Variants in ANKRD30B observed in about 807,000 individuals in gnomAD.
The protein encoded by ANKRD30B is ankyrin repeat domain 30B.
A neutral mutation model predicts 202.2 loss-of-function variants in ANKRD30B; 144 were observed. The ratio of observed to expected loss-of-function variants is 0.71; its 90% CI spans 0.62 to 0.82. The LOEUF is 0.82. ANKRD30B is among the 40% of genes least tolerant of loss of function. The pLI is 0.00. For missense variants in ANKRD30B, 1,487 were observed against 1,669.1 expected (o/e 0.89, Z 1.90); for synonymous variants, 508 against 561.3 (o/e 0.91, Z 1.34).
chr18:14,851,965 A>G lies in ANKRD30B; in HGVS notation c.4021A>G (p.Thr1341Ala). The G allele has an allele frequency of 3.7e-6, 6 of 1,600,306 alleles. No homozygotes were observed. Among genetic ancestry groups the G allele is most frequent in the African/African-American group, 1.3e-5 (1 of 74,406 alleles). ...QGIMNVDVSN[T>A]IYNNEVLHQP... ...AATAATGAATGTTGATGTGAGTAAT[A>G]CAATATATAACAATGAGGTGCTCCA... The change falls in exon 42 of 44, where the codon ACA (threonine) becomes GCA (alanine). Residue 1341 changes from threonine to alanine, a missense_variant. Around this residue, in one of 6 missense-constraint regions of ANKRD30B, gnomAD observed 182 missense variants for 216.0 expected, o/e 0.84. Coordinates refer to ENST00000690538, the MANE Select transcript of ANKRD30B (RefSeq NM_001367607.2).
chr18:14,917,883 T>C, the ANKRD30B span, among the ~76,000 whole-genome samples: 2 of 152,220 alleles, frequency 1.3e-5, no homozygotes, highest in African/African-American at 4.8e-5. Context: ...CATGATCACC[T>C]TCTTCTCCCC....
Position 14,797,690 on chromosome 18 carries a change from G to C in ANKRD30B, c.1956+1G>C. On this transcript the variant is annotated splice_donor_variant, in intron 19 of 43. Coordinates refer to ENST00000690538, the MANE Select transcript of ANKRD30B (RefSeq NM_001367607.2). LOFTEE classifies it high-confidence loss of function. ...TCCTGATAAAGATGGTCTTCTGAAG[G>C]TAATAGCTTTTATGTCTCTATCTTG... The C allele has an allele frequency of 7.5e-6, 12 of 1,609,136 alleles. No homozygotes were observed. Among genetic ancestry groups the C allele is most frequent in the Non-Finnish European group, 9.4e-6 (11 of 1,175,822 alleles).
chr18:14,819,630 C>T (rs1444559217), intron 30 of ANKRD30B, among the ~76,000 whole-genome samples: 3 of 151,990 alleles, frequency 2.0e-5, no homozygotes, highest in Admixed American at 1.3e-4. Flanking sequence ...ATCCTTTCCC[C>T]ATTGCTTGTT....
intron 11 of ANKRD30B, among the ~76,000 whole-genome samples, chr18:14,780,507 C>T (rs1358515064): frequency 1.3e-5 from 2 of 151,826 alleles, no homozygotes; most frequent in Non-Finnish European, 2.9e-5. Flanking sequence ...TGGTGAAATT[C>T]TACTAATTTG....
the ANKRD30B span, among the ~76,000 whole-genome samples, chr18:14,860,446 C>T: frequency 7.7e-6 from 1 of 130,460 alleles, no homozygotes; most frequent in East Asian, 2.2e-4. Flanking sequence ...AGGCACTCCT[C>T]ACCTCCCAGA....
chr18:14,873,370 A>G, the ANKRD30B span, among the ~76,000 whole-genome samples: 1 of 151,972 alleles, frequency 6.6e-6, no homozygotes, highest in Non-Finnish European at 1.5e-5. Flanking sequence ...CTAAAAATAC[A>G]AAAAATTAGC....
the ANKRD30B span, among the ~76,000 whole-genome samples, chr18:14,910,532 G>T: frequency 6.6e-6 from 1 of 150,850 alleles, no homozygotes; most frequent in Non-Finnish European, 1.5e-5. Flanking sequence ...CTCCATTGAT[G>T]GACATGTAGG....
the ANKRD30B span, among the ~76,000 whole-genome samples, chr18:14,882,620 C>T: frequency 6.6e-6 from 1 of 151,958 alleles, no homozygotes; most frequent in Non-Finnish European, 1.5e-5. Context: ...CTGTTAAGTC[C>T]ATTTGTTCCA....
chr18:14,806,890 C>T (rs541968923), intron 24 of ANKRD30B, among the ~76,000 whole-genome samples: 24 of 150,828 alleles, frequency 1.6e-4, no homozygotes, highest in South Asian at 4.2e-4. Context: ...TTCCTATATA[C>T]GAATTTCTGA....
downstream of ANKRD30B, among the ~76,000 whole-genome samples, chr18:14,856,401 G>A (rs535481488): frequency 1.1e-3 from 157 of 142,836 alleles, no homozygotes; most frequent in African/African-American, 3.2e-3. Context: ...GGGCAGAGGC[G>A]CTCTTCACTT....
the ANKRD30B span, among the ~76,000 whole-genome samples, chr18:14,921,671 T>C: frequency 4.6e-5 from 7 of 152,064 alleles, no homozygotes; most frequent in East Asian, 1.4e-3. Context: ...CTAAAACCAA[T>C]GGGAAAGTGG....
chr18:14,920,702 G>A, the ANKRD30B span, among the ~76,000 whole-genome samples: 1 of 152,152 alleles, frequency 6.6e-6, no homozygotes, highest in South Asian at 2.1e-4. Flanking sequence ...AGTGTAGTAG[G>A]GTGGGATCCC....
chr18:14,752,687 A>G lies in ANKRD30B; in HGVS notation c.336+7A>G. ...GAGGACACCTCTGATGAAGGTAAAT[A>G]GTAGCCAGTTTTTTCAGCGGGAGAT... On this transcript the variant is annotated splice_region_variant and intron_variant, in intron 2 of 43. Transcript: ENST00000690538. The G allele has an allele frequency of 6.3e-7, 1 of 1,592,376 alleles. No homozygotes were observed. Among genetic ancestry groups the G allele is most frequent in the Non-Finnish European group, 8.6e-7 (1 of 1,167,274 alleles).
chr18:14,876,014 A>C, the ANKRD30B span, among the ~76,000 whole-genome samples: 1 of 152,128 alleles, frequency 6.6e-6, no homozygotes, highest in Admixed American at 6.6e-5. Flanking sequence ...ACTAAGACAT[A>C]GCTCATTGTA....
chr18:14,769,387 G>A lies in ANKRD30B; in HGVS notation c.1256+14G>A. On this transcript the variant is annotated intron_variant, in intron 8 of 43. Transcript: ENST00000690538. Reference sequence around the variant, plus strand: ...GCCTATATTCAGGTAAGACTTTGCGGTTTTTTAAAACGAATAGGTTAACTC... The same window carrying A: ...GCCTATATTCAGGTAAGACTTTGCGATTTTTTAAAACGAATAGGTTAACTC... 1.9e-6 allele frequency: 3 copies of A among 1,543,550 alleles called. No individual in the cohort carries two copies. Among genetic ancestry groups the A allele is most frequent in the Non-Finnish European group, 2.6e-6 (3 of 1,142,886 alleles).
At chr18:14,836,705 T>G (rs1971190732) in intron 34 of ANKRD30B, among the ~76,000 whole-genome samples, 1 of 152,180 alleles carries the variant, frequency 6.6e-6, no homozygotes, top group East Asian at 1.9e-4. Context: ...TCATTTTATC[T>G]CTTTAACTCA....
At chr18:14,916,547 A>T in the ANKRD30B span, among the ~76,000 whole-genome samples, 1 of 152,162 alleles carries the variant, frequency 6.6e-6, no homozygotes, top group Non-Finnish European at 1.5e-5. Context: ...TGTATTCCCC[A>T]CTAGGAGCTG....
At chr18:14,894,662 C>T in the ANKRD30B span, among the ~76,000 whole-genome samples, 1 of 150,954 alleles carries the variant, frequency 6.6e-6, no homozygotes, top group Non-Finnish European at 1.5e-5. Context: ...CTAGTATCAA[C>T]AAAGAAAAAA....
the ANKRD30B span, among the ~76,000 whole-genome samples, chr18:14,922,486 T>A: frequency 6.6e-6 from 1 of 151,502 alleles, no homozygotes; most frequent in African/African-American, 2.4e-5. Flanking sequence ...AAACCCCATC[T>A]CTACTAAAAA....
Sources: gnomAD v4.1 joint callset for allele counts (sites outside exome capture counted in the v4.1 genomes callset) on GRCh38, gnomAD v4.1.1 for gene constraint, gnomAD v4.1.1 regional missense constraint, MANE v1.5 for transcripts, NCBI Gene and HGNC (gene_info 2026-07-23, HGNC 2026-07-21) for gene names.